The following ARID1B variants were observed in gnomAD, a reference collection of about 807,000 sequenced individuals.
ARID1B encodes the protein AT-rich interactive domain-containing protein 1B.
ARID1B carries 30 observed loss-of-function variants against 212.3 expected under a neutral mutation model. The ratio of observed to expected loss-of-function variants is 0.14; its 90% CI spans 0.11 to 0.19. ARID1B has a LOEUF of 0.19. Ranked by LOEUF, ARID1B falls within the 10% of genes least tolerant of loss-of-function variation. ARID1B has a pLI of 1.00. For synonymous variants in ARID1B, 1,402 were observed against 1,301.7 expected (o/e 1.08, Z -1.66); for missense variants, 2,891 against 3,204.0 (o/e 0.90, Z 2.36).
intron 5 of ARID1B, among the ~76,000 whole-genome samples, chr6:157,099,955 A>G (rs1426274979): frequency 6.6e-6 from 1 of 152,090 alleles, no homozygotes; most frequent in Non-Finnish European, 1.5e-5. Flanking sequence ...ATTTATCTGT[A>G]TTTTTAGGAC....
chr6:156,935,413 TTA>T, intron 3 of ARID1B, 51 bp from the exon 4 acceptor site: 2 of 1,450,036 alleles, frequency 1.4e-6, no homozygotes, highest in Non-Finnish European at 9.6e-7. Flanking sequence ...CTGAAGAAGC[TTA>T]TAACTCATTG....
At chr6:157,122,584 C>T (rs1562636060) in intron 6 of ARID1B, among the ~76,000 whole-genome samples, 1 of 152,240 alleles carries the variant, frequency 6.6e-6, no homozygotes, top group South Asian at 2.1e-4. Context: ...GGGTCGGGCT[C>T]ATACCCTCAC....
chr6:157,067,084 T>C (rs1783717220), intron 4 of ARID1B, among the ~76,000 whole-genome samples: 3 of 152,330 alleles, frequency 2.0e-5, no homozygotes, highest in Middle Eastern at 6.8e-3. Context: ...CAAGAAGTGC[T>C]ATCATTTATT....
chr6:156,954,413 G>A (rs1793806314), intron 4 of ARID1B, among the ~76,000 whole-genome samples: 2 of 152,040 alleles, frequency 1.3e-5, no homozygotes, highest in South Asian at 4.1e-4. Flanking sequence ...AGCCTGTGTG[G>A]AATGAGGCCG....
At chr6:156,856,273 ATG>A (rs1259791824) in intron 2 of ARID1B, among the ~76,000 whole-genome samples, 1 of 152,186 alleles carries the variant, frequency 6.6e-6, no homozygotes, top group Non-Finnish European at 1.5e-5. Flanking sequence ...AGAACCATGT[ATG>A]TGTGTGTGTA....
intron 3 of ARID1B, among the ~76,000 whole-genome samples, chr6:156,928,056 G>C (rs1485523924): frequency 1.3e-5 from 2 of 152,156 alleles, no homozygotes; most frequent in African/African-American, 4.8e-5. Flanking sequence ...TGGCTGAAAG[G>C]CACCGAGGAG....
intron 5 of ARID1B, among the ~76,000 whole-genome samples, chr6:157,095,153 G>A (rs1266745763): frequency 6.6e-6 from 1 of 152,260 alleles, no homozygotes; most frequent in South Asian, 2.1e-4. Flanking sequence ...TAGTTGTGGG[G>A]TGGAGCCCGA....
chr6:156,980,640 G>A (rs953145246), intron 4 of ARID1B, among the ~76,000 whole-genome samples: 4 of 152,192 alleles, frequency 2.6e-5, no homozygotes, highest in Admixed American at 6.5e-5. Context: ...AGACAGTGCC[G>A]TGTAAAATCG....
intron 2 of ARID1B, among the ~76,000 whole-genome samples, chr6:156,884,888 C>T (rs1023623953): frequency 2.0e-5 from 3 of 152,104 alleles, no homozygotes; most frequent in Non-Finnish European, 4.4e-5. Context: ...GTCTTGAGCT[C>T]GGGGAAGTCC....
intron 4 of ARID1B, among the ~76,000 whole-genome samples, chr6:157,079,457 T>G (rs1423422447): frequency 6.6e-6 from 1 of 152,232 alleles, no homozygotes; most frequent in African/African-American, 2.4e-5. Flanking sequence ...CTCATATCAA[T>G]TTCAAGGTGT....
At chr6:156,822,343 T>C (rs1782409421) in intron 1 of ARID1B, among the ~76,000 whole-genome samples, 1 of 152,256 alleles carries the variant, frequency 6.6e-6, no homozygotes, top group African/African-American at 2.4e-5. Flanking sequence ...TGGTTTTAAA[T>C]GCAGGGTTGC....
intron 6 of ARID1B, among the ~76,000 whole-genome samples, chr6:157,128,115 C>A (rs374324942): frequency 1.3e-5 from 2 of 152,162 alleles, no homozygotes; most frequent in East Asian, 3.8e-4. Flanking sequence ...AGACATGCAT[C>A]GTTTCTGTAT....
chr6:156,836,890 T>A (rs1179742337), intron 2 of ARID1B, among the ~76,000 whole-genome samples: 1 of 151,212 alleles, frequency 6.6e-6, no homozygotes, highest in Non-Finnish European at 1.5e-5. Flanking sequence ...GTTTTGAACT[T>A]CAGGACTCAA....
chr6:156,858,808 C>T (rs1469228894), intron 2 of ARID1B, among the ~76,000 whole-genome samples: 3 of 152,050 alleles, frequency 2.0e-5, no homozygotes, highest in Admixed American at 1.3e-4. Flanking sequence ...ACACATACCC[C>T]ATGAATATGT....
chr6:156,840,560 T>C (rs1272817307), intron 2 of ARID1B, among the ~76,000 whole-genome samples: 1 of 152,226 alleles, frequency 6.6e-6, no homozygotes, highest in African/African-American at 2.4e-5. Flanking sequence ...AATGTCTGTG[T>C]GCTTTAGCCG....
Position 157,148,988 on chromosome 6 carries a change from T to C in ARID1B, c.3089+37T>C. ...AGGAGCACGCCCCGGGCAGGTACGCTGTGTGTCTACCCGTGACCACGTGAC... is the reference window on the plus strand; with the variant it reads ...AGGAGCACGCCCCGGGCAGGTACGCCGTGTGTCTACCCGTGACCACGTGAC... On this transcript the variant is annotated intron_variant, in intron 8 of 19. Transcript: ENST00000636930. This position sits in a 1 kb window ranked among gnomAD's most constrained non-coding sequence, Gnocchi z 5.6. 1.3e-6 allele frequency: 2 copies of C among 1,579,694 alleles called. No homozygotes were observed. The highest frequency in any genetic ancestry group is 1.1e-5 in the South Asian group (1 of 88,242).
intron 2 of ARID1B, among the ~76,000 whole-genome samples, chr6:156,850,610 C>T (rs1268585062): frequency 6.6e-6 from 1 of 152,156 alleles, no homozygotes; most frequent in East Asian, 1.9e-4. Context: ...TGTAATTTCT[C>T]AAACAAGCAT....
At chr6:156,893,841 G>A (rs1366724525) in intron 2 of ARID1B, among the ~76,000 whole-genome samples, 1 of 152,126 alleles carries the variant, frequency 6.6e-6, no homozygotes, top group African/African-American at 2.4e-5. Context: ...CCTGTTGGTG[G>A]GAATGTGAAA....
At chr6:156,962,385 CTG>C (rs972068839) in intron 4 of ARID1B, among the ~76,000 whole-genome samples, 2 of 152,182 alleles carry the variant, frequency 1.3e-5, no homozygotes, top group African/African-American at 4.8e-5. Flanking sequence ...TTCTAAAAAG[CTG>C]TGTTATAAAA....
Sources: allele counts gnomAD v4.1 joint callset (sites outside exome capture counted in the v4.1 genomes callset), GRCh38; gene constraint gnomAD v4.1.1; non-coding constraint Gnocchi (gnomAD v3.1); transcripts MANE v1.5; gene names NCBI Gene and HGNC (gene_info 2026-07-23, HGNC 2026-07-21).